DLG1: variants seen among roughly 807,000 people sequenced by gnomAD.
DLG1 encodes the protein discs large MAGUK scaffold protein 1, also known as disks large homolog 1.
A neutral mutation model predicts 123.4 loss-of-function variants in DLG1; 42 were observed. The observed-to-expected ratio is 0.34, with a 90% CI of 0.27 to 0.44. DLG1 has a LOEUF of 0.44. DLG1 is among the 20% of genes least tolerant of loss of function. The pLI, the probability that DLG1 is intolerant of heterozygous loss-of-function variation, is 1.00. For synonymous variants in DLG1, 317 were observed against 356.2 expected (o/e 0.89, Z 1.24); for missense variants, 942 against 1,082.6 (o/e 0.87, Z 1.82).
intron 5 of DLG1, among the ~76,000 whole-genome samples, chr3:197,167,492 T>A (rs1031326391): frequency 4.6e-5 from 7 of 152,178 alleles, no homozygotes; most frequent in Non-Finnish European, 4.4e-5. Flanking sequence ...TCATATATCA[T>A]GTGATAAAAT....
intron 4 of DLG1, among the ~76,000 whole-genome samples, chr3:197,265,676 G>A (rs1271752162): frequency 2.0e-5 from 3 of 152,176 alleles, no homozygotes; most frequent in African/African-American, 7.2e-5. Context: ...GCTCACGCAA[G>A]GCCAAGAATA....
At chr3:197,158,558 C>T (rs533573418) in intron 5 of DLG1, among the ~76,000 whole-genome samples, 140 of 141,230 alleles carry the variant, frequency 9.9e-4, no homozygotes, top group African/African-American at 3.3e-3. Context: ...CACCTGAACC[C>T]GGGAGGTGGA....
chr3:197,064,716 A>C (rs954241008), intron 22 of DLG1, among the ~76,000 whole-genome samples: 2 of 152,020 alleles, frequency 1.3e-5, no homozygotes, highest in African/African-American at 4.8e-5. Flanking sequence ...TGACATTGTT[A>C]ATGGTGTTTT....
intron 4 of DLG1, among the ~76,000 whole-genome samples, chr3:197,228,807 T>G (rs983955808): frequency 6.6e-6 from 1 of 152,102 alleles, no homozygotes; most frequent in Non-Finnish European, 1.5e-5. Flanking sequence ...AATATTTAAG[T>G]AATAATAATA....
intron 5 of DLG1, among the ~76,000 whole-genome samples, chr3:197,158,760 T>TA (rs1231491085): frequency 6.6e-6 from 1 of 151,534 alleles, no homozygotes; most frequent in Non-Finnish European, 1.5e-5. Context: ...CACAAACACC[T>TA]AGTAGGCCCC....
intron 4 of DLG1, among the ~76,000 whole-genome samples, chr3:197,208,062 C>A (rs1452022286): frequency 1.4e-5 from 2 of 145,058 alleles, no homozygotes; most frequent in Non-Finnish European, 3.1e-5. Context: ...GATACAAAAC[C>A]CTCCAGCCCT....
At chr3:197,271,251 T>A (rs1763812023) in intron 4 of DLG1, among the ~76,000 whole-genome samples, 2 of 152,140 alleles carry the variant, frequency 1.3e-5, no homozygotes, top group Non-Finnish European at 2.9e-5. Context: ...TCCACAACCC[T>A]AAAGTATGGG....
chr3:197,243,741 A>G (rs192208473), intron 4 of DLG1, among the ~76,000 whole-genome samples: 9 of 152,294 alleles, frequency 5.9e-5, no homozygotes, highest in African/African-American at 2.2e-4. Flanking sequence ...TATAGTAGAT[A>G]TAATTTATCC....
At chr3:197,138,058 C>T (rs1004258667) in intron 9 of DLG1, among the ~76,000 whole-genome samples, 164 bp downstream of exon 9, 1 of 151,762 alleles carries the variant, frequency 6.6e-6, no homozygotes, top group Non-Finnish European at 1.5e-5. Flanking sequence ...TAAAATGCTA[C>T]GTAAGACAAA....
chr3:197,134,061 T>G (rs1168553581), intron 10 of DLG1, among the ~76,000 whole-genome samples: 1 of 152,106 alleles, frequency 6.6e-6, no homozygotes, highest in East Asian at 1.9e-4. Context: ...AATTAAAAAG[T>G]AAAACTGAGA....
intron 3 of DLG1, among the ~76,000 whole-genome samples, chr3:197,285,894 A>G (rs909449130): frequency 6.6e-6 from 1 of 152,226 alleles, no homozygotes; most frequent in African/African-American, 2.4e-5. Context: ...AAACAAGCTG[A>G]AAACTTAAGT....
At chr3:197,169,315 A>G (rs1203083773) in intron 5 of DLG1, among the ~76,000 whole-genome samples, 1 of 152,252 alleles carries the variant, frequency 6.6e-6, no homozygotes, top group Non-Finnish European at 1.5e-5. Flanking sequence ...TGATTAATAC[A>G]GGAAGAGACA....
intron 5 of DLG1, among the ~76,000 whole-genome samples, chr3:197,186,080 T>A (rs1018729693): frequency 2.0e-5 from 3 of 152,192 alleles, no homozygotes; most frequent in Admixed American, 6.5e-5. Context: ...CAACTTCAAG[T>A]TTTGGGAAAG....
chr3:197,082,613 T>C (rs986779390), intron 16 of DLG1, among the ~76,000 whole-genome samples: 5 of 152,172 alleles, frequency 3.3e-5, no homozygotes, highest in African/African-American at 4.8e-5. Context: ...AAGCCAAGAA[T>C]TGTAGGAATT....
intron 4 of DLG1, among the ~76,000 whole-genome samples, chr3:197,270,939 T>A (rs973229358): frequency 6.6e-6 from 1 of 152,028 alleles, no homozygotes; most frequent in African/African-American, 2.4e-5. Context: ...ATGAGACAAA[T>A]AAAGAATGTG....
At chr3:197,076,916 A>C (rs1303688111) in intron 17 of DLG1, among the ~76,000 whole-genome samples, 2 of 152,254 alleles carry the variant, frequency 1.3e-5, no homozygotes, top group African/African-American at 4.8e-5. Flanking sequence ...ATACCTAAAA[A>C]TAAAAATGCT....
chr3:197,061,070 C>A (rs1447276977), intron 22 of DLG1, among the ~76,000 whole-genome samples: 1 of 152,196 alleles, frequency 6.6e-6, no homozygotes, highest in Non-Finnish European at 1.5e-5. Flanking sequence ...TCCCAAAGTG[C>A]TGGGATTATA....
At chr3:197,222,051 T>C (rs529423262) in intron 4 of DLG1, among the ~76,000 whole-genome samples, 2 of 152,242 alleles carry the variant, frequency 1.3e-5, no homozygotes, top group East Asian at 1.9e-4. Flanking sequence ...CAGGGAAAAA[T>C]GACAAGAAAA....
chr3:197,262,921 T>C (rs532706068), intron 4 of DLG1, among the ~76,000 whole-genome samples: 2 of 152,302 alleles, frequency 1.3e-5, no homozygotes, highest in East Asian at 3.9e-4. Context: ...CCTTATCCCA[T>C]GCAGGATATA....
Sources: allele counts gnomAD v4.1 joint callset (sites outside exome capture counted in the v4.1 genomes callset), GRCh38; gene constraint gnomAD v4.1.1; transcripts MANE v1.5; gene names NCBI Gene and HGNC (gene_info 2026-07-23, HGNC 2026-07-21).